The following SEMA3C variants were observed in gnomAD, a reference collection of about 807,000 sequenced individuals.
The protein encoded by SEMA3C is semaphorin 3C.
Under a neutral mutation model 89.4 loss-of-function variants are expected in SEMA3C, and 47 were observed. That is an observed-to-expected ratio of 0.53 (90% CI 0.42 to 0.67). The LOEUF (loss-of-function observed/expected upper bound fraction) is 0.67, where lower values mean the gene tolerates loss of function less well. SEMA3C is among the 30% of genes least tolerant of loss of function. The pLI is 0.00. For synonymous variants in SEMA3C, 310 were observed against 320.2 expected (o/e 0.97, Z 0.34); for missense variants, 839 against 929.1 (o/e 0.90, Z 1.26).
chr7:80,832,887 A>T (rs1028791215), intron 2 of SEMA3C, among the ~76,000 whole-genome samples: 1 of 152,160 alleles, frequency 6.6e-6, no homozygotes, highest in African/African-American at 2.4e-5. Context: ...TGTAGAAATA[A>T]ATACTAACTG....
chr7:80,832,814 T>C (rs181951853), intron 2 of SEMA3C, among the ~76,000 whole-genome samples: 1 of 152,302 alleles, frequency 6.6e-6, no homozygotes, highest in Non-Finnish European at 1.5e-5. Flanking sequence ...TATTCTGTTA[T>C]ATGAAATAAA....
At chr7:80,874,683 GTCT>G (rs1791157024) in intron 2 of SEMA3C, among the ~76,000 whole-genome samples, 1 of 151,876 alleles carries the variant, frequency 6.6e-6, no homozygotes, top group Non-Finnish European at 1.5e-5. Flanking sequence ...GACCAGGCTG[GTCT>G]TGAACTCCTG....
intron 12 of SEMA3C, among the ~76,000 whole-genome samples, chr7:80,771,386 A>G (rs912649142): frequency 2.0e-5 from 3 of 152,254 alleles, no homozygotes; most frequent in African/African-American, 7.2e-5. Context: ...GTAACACAGC[A>G]GACTCATCAA....
At chr7:80,774,614 G>A (rs1373084792) in intron 12 of SEMA3C, among the ~76,000 whole-genome samples, 1 of 151,948 alleles carries the variant, frequency 6.6e-6, no homozygotes, top group Non-Finnish European at 1.5e-5. Flanking sequence ...TTAAAGTATT[G>A]GAGTTGAAAG....
intron 2 of SEMA3C, among the ~76,000 whole-genome samples, chr7:80,860,823 G>A (rs1454113481): frequency 2.0e-5 from 3 of 152,166 alleles, no homozygotes. Context: ...AAAGACAGGT[G>A]TGGGGTTTGA....
At chr7:80,773,837 C>T (rs1282733716) in intron 12 of SEMA3C, among the ~76,000 whole-genome samples, 1 of 152,128 alleles carries the variant, frequency 6.6e-6, no homozygotes, top group Admixed American at 6.5e-5. Context: ...AGGATGAGAG[C>T]ACCAGAGGCT....
intron 2 of SEMA3C, among the ~76,000 whole-genome samples, chr7:80,909,086 A>G (rs964855248): frequency 6.6e-6 from 1 of 151,778 alleles, no homozygotes; most frequent in Non-Finnish European, 1.5e-5. Context: ...GAGTGTGTGT[A>G]TGTGTGTGTG....
intron 12 of SEMA3C, among the ~76,000 whole-genome samples, chr7:80,783,384 A>G (rs750492372): frequency 1.2e-4 from 18 of 152,186 alleles, no homozygotes; most frequent in Admixed American, 6.5e-4. Flanking sequence ...CTGTTCCATT[A>G]GTATTTCCTG....
At chr7:80,836,715 A>AAACAAAC (rs1562898365) in intron 2 of SEMA3C, among the ~76,000 whole-genome samples, 1 of 138,360 alleles carries the variant, frequency 7.2e-6, no homozygotes, top group Non-Finnish European at 1.6e-5. Flanking sequence ...AACAAACAAA[A>AAACAAAC]ACAGACAGAC....
intron 15 of SEMA3C, among the ~76,000 whole-genome samples, chr7:80,756,106 T>C (rs1186682103): frequency 4.6e-5 from 7 of 152,214 alleles, no homozygotes; most frequent in Non-Finnish European, 2.9e-5. Flanking sequence ...GCCTACTCAA[T>C]ATCCGTGTGT....
intron 2 of SEMA3C, among the ~76,000 whole-genome samples, chr7:80,851,910 T>C (rs917520954): frequency 7.2e-5 from 11 of 152,200 alleles, no homozygotes; most frequent in Admixed American, 5.9e-4. Context: ...TTAGAAACTA[T>C]AAAAGTAAAG....
At chr7:80,806,993 G>A (rs1189358560) in intron 6 of SEMA3C, among the ~76,000 whole-genome samples, 1 of 151,978 alleles carries the variant, frequency 6.6e-6, no homozygotes, top group Non-Finnish European at 1.5e-5. Context: ...GCATTTTGTT[G>A]CTCAGCTCTG....
At chr7:80,783,483 A>G (rs1788734909) in intron 12 of SEMA3C, among the ~76,000 whole-genome samples, 1 of 152,218 alleles carries the variant, frequency 6.6e-6, no homozygotes, top group Non-Finnish European at 1.5e-5. Context: ...GTTATTAAAA[A>G]TCAGTAACTT....
intron 2 of SEMA3C, among the ~76,000 whole-genome samples, chr7:80,870,340 T>C (rs1327188421): frequency 6.6e-6 from 1 of 151,782 alleles, no homozygotes; most frequent in Non-Finnish European, 1.5e-5. Context: ...TTTAAAAAAG[T>C]CATCATTTAT....
Position 80,818,399 on chromosome 7 carries a change from A to G in SEMA3C, c.347T>C (p.Val116Ala), listed in dbSNP as rs369676406. The change falls in exon 5 of 18, where the codon GTC becomes GCC. Residue 116 changes from valine to alanine, a missense_variant. Coordinates refer to ENST00000265361, the MANE Select transcript of SEMA3C (RefSeq NM_006379.5). ...KDPTHGCGNF[V>A]RVIQTFNRTH... Reference sequence around the variant, plus strand: ...GCGATTGAAAGTCTGAATTACACGGACAAAGTTCCCACAGCCGTGCTAAAA... The same window carrying G: ...GCGATTGAAAGTCTGAATTACACGGGCAAAGTTCCCACAGCCGTGCTAAAA... 5.6e-6 allele frequency: 9 copies of G among 1,613,070 alleles called. No individual in the cohort carries two copies. Among genetic ancestry groups the G allele is most frequent in the African/African-American group, 1.3e-5 (1 of 74,918 alleles).
chr7:80,805,612 A>C, intron 7 of SEMA3C, 27 bp downstream of exon 7: 2 of 1,578,824 alleles, frequency 1.3e-6, no homozygotes, highest in Non-Finnish European at 8.6e-7. Flanking sequence ...CGATACTAAA[A>C]AATAAATGCA....
chr7:80,772,074 T>C (rs916341071), intron 12 of SEMA3C, among the ~76,000 whole-genome samples: 5 of 152,182 alleles, frequency 3.3e-5, no homozygotes, highest in African/African-American at 1.2e-4. Flanking sequence ...AAACATACTT[T>C]GAAAGCCCAA....
chr7:80,863,605 C>T (rs963364691), intron 2 of SEMA3C, among the ~76,000 whole-genome samples: 2 of 151,122 alleles, frequency 1.3e-5, no homozygotes, highest in Non-Finnish European at 2.9e-5. Context: ...GGGGAACCAA[C>T]CCAAATGCTC....
rs1787711235 is a variant in SEMA3C, at chr7:80,742,767, T to C, written c.*2127A>G. On this transcript the variant is annotated 3_prime_UTR_variant, in exon 18 of 18. Transcript: ENST00000265361. ...TGGAATAGATATTAAGTCACTGAAT[T>C]GTCAAGCTACATAAAATAAAACCAA... 6.6e-6 allele frequency: 1 copy of C among 151,912 alleles called. No individual in the cohort carries two copies. Among genetic ancestry groups the C allele is most frequent in the South Asian group, 2.1e-4 (1 of 4,830 alleles). The allele number at this position is 151,912 out of a possible 1,614,324, so 9.4% of individuals were successfully genotyped here.
Sources: gnomAD v4.1 joint callset for allele counts (sites outside exome capture counted in the v4.1 genomes callset) on GRCh38, gnomAD v4.1.1 for gene constraint, MANE v1.5 for transcripts, NCBI Gene and HGNC (gene_info 2026-07-23, HGNC 2026-07-21) for gene names.